FAM222A: variants seen among roughly 807,000 people sequenced by gnomAD.
The protein encoded by FAM222A is family with sequence similarity 222 member A.
Under a neutral mutation model 25.8 loss-of-function variants are expected in FAM222A, and 7 were observed. That is an observed-to-expected ratio of 0.27 (90% CI 0.15 to 0.51). The LOEUF (loss-of-function observed/expected upper bound fraction) is 0.51, where lower values mean the gene tolerates loss of function less well. FAM222A is among the 20% of genes least tolerant of loss of function. FAM222A has a pLI of 0.97. For synonymous variants in FAM222A, 294 were observed against 298.8 expected (o/e 0.98, Z 0.17); for missense variants, 573 against 640.5 (o/e 0.89, Z 1.14).
rs1279278221 is a variant in FAM222A, at chr12:109,714,914, GGGGTTC to G, written c.-47+18_-47+23del. On this transcript the variant is annotated intron_variant, in intron 1 of 2. Coordinates refer to ENST00000538780, the MANE Select transcript of FAM222A (RefSeq NM_032829.3). The surrounding 1 kb of genome is among the most constrained non-coding windows in gnomAD (Gnocchi z 4.2). ...GCTGATCCGGTGAGTTGTGCGGGGC[GGGGTTC>G]TGCGCTGGAGCTGGGGGCACCCCCT... is the stretch of plus-strand genomic sequence containing the variant. 1 of 153,094 alleles carries G rather than the reference GGGGTTC, an allele frequency of 6.5e-6. No homozygotes were observed. Among genetic ancestry groups the G allele is most frequent in the African/African-American group, 2.4e-5 (1 of 41,486 alleles). 9.5% of individuals were successfully genotyped at this position (153,094 alleles called of 1,614,324 possible).
intron 1 of FAM222A, among the ~76,000 whole-genome samples, chr12:109,723,418 C>G (rs886467885): frequency 2.6e-5 from 4 of 152,218 alleles, no homozygotes; most frequent in Admixed American, 2.0e-4. Flanking sequence ...GTTCTGGCAC[C>G]TCAGTCTTGA....
intron 2 of FAM222A, among the ~76,000 whole-genome samples, chr12:109,751,029 T>TG (rs1311303863): frequency 6.6e-6 from 1 of 152,178 alleles, no homozygotes; most frequent in Non-Finnish European, 1.5e-5. Flanking sequence ...GATCCGAGGC[T>TG]TGTATTTTAG....
chr12:109,756,604 G>A (rs1052699794), intron 2 of FAM222A, among the ~76,000 whole-genome samples: 1 of 152,096 alleles, frequency 6.6e-6, no homozygotes, highest in African/African-American at 2.4e-5. Flanking sequence ...TGTGTCTATT[G>A]GGATGAAGAT....
At position 109,768,423 on chromosome 12, in the gene FAM222A, C is replaced by T. The variant is rs200663276; in HGVS notation, c.494C>T (p.Ala165Val). 33 of 1,598,672 alleles carry T rather than the reference C, an allele frequency of 2.1e-5. No individual in the cohort carries two copies. Among genetic ancestry groups the T allele is most frequent in the South Asian group, 3.3e-5 (3 of 90,828 alleles). The change falls in exon 3 of 3, where the codon GCG (alanine) becomes GTG (valine). Residue 165 changes from alanine (A) to valine (V), a missense_variant. Around this residue, in one of 3 missense-constraint regions of FAM222A, gnomAD observed 412 missense variants for 407.0 expected, o/e 1.01. Transcript: ENST00000538780. Reference sequence around the variant, plus strand: ...TTGGCCTACCCCAAGCCACCTGAGGCGCCTGCTCCACCACCCGGCCTGCCC... The same window carrying T: ...TTGGCCTACCCCAAGCCACCTGAGGTGCCTGCTCCACCACCCGGCCTGCCC... The part of the protein sequence containing the change: ...GPLAYPKPPE[A>V]PAPPPGLPAA...
chr12:109,753,776 A>G (rs1592794097), intron 2 of FAM222A, among the ~76,000 whole-genome samples: 1 of 136,342 alleles, frequency 7.3e-6, no homozygotes, highest in South Asian at 2.4e-4. Context: ...ACCGCTGCCC[A>G]CCAGCATTCC....
intron 2 of FAM222A, among the ~76,000 whole-genome samples, chr12:109,761,744 G>T (rs997228868): frequency 6.6e-6 from 1 of 152,130 alleles, no homozygotes; most frequent in Non-Finnish European, 1.5e-5. Context: ...ACTCTGCCTG[G>T]AGCTGGCAGT....
At chr12:109,740,694 G>A (rs571284854) in intron 1 of FAM222A, among the ~76,000 whole-genome samples, 1 of 152,326 alleles carries the variant, frequency 6.6e-6, no homozygotes, top group Admixed American at 6.5e-5. Flanking sequence ...CCAATTCATT[G>A]ATTCGGCCAT....
rs1887591089 is a variant in FAM222A at position 109,714,201 on chromosome 12, T to C, written c.-743T>C. Reference sequence around the variant, plus strand: ...CTGCATCCGAGCTTGCGTCGCCCGCTGCCGCCGCCGCCGCCGCTGCCGCCG... The same window carrying C: ...CTGCATCCGAGCTTGCGTCGCCCGCCGCCGCCGCCGCCGCCGCTGCCGCCG... On this transcript the variant is annotated 5_prime_UTR_variant, in exon 1 of 3. Transcript: ENST00000538780. The surrounding 1 kb of genome is among the most constrained non-coding windows in gnomAD (Gnocchi z 4.2). 4.9e-6 allele frequency: 1 copy of C among 206,032 alleles called. No homozygotes were observed. The highest frequency in any genetic ancestry group is 9.7e-6 in the Non-Finnish European group (1 of 103,604). 12.8% of individuals were successfully genotyped at this position (206,032 alleles called of 1,614,324 possible).
chr12:109,732,881 G>C (rs1333581253), intron 1 of FAM222A, among the ~76,000 whole-genome samples: 2 of 152,254 alleles, frequency 1.3e-5, no homozygotes, highest in African/African-American at 2.4e-5. Context: ...AGTGCCTACT[G>C]TGTGCCCCAT....
intron 2 of FAM222A, among the ~76,000 whole-genome samples, chr12:109,763,176 G>C (rs1193666088): frequency 4.6e-5 from 7 of 152,238 alleles, no homozygotes; most frequent in African/African-American, 1.7e-4. Context: ...CTGCCTCAAG[G>C]TGGAAGTAGG....
Position 109,748,330 on chromosome 12 carries a change from C to CTTTTTTTTTTTTT in FAM222A, c.82+4105_82+4106insTTTTTTTTTTTTT, listed in dbSNP as rs1410740242. The stretch of plus-strand genomic sequence containing the variant: ...GTCAAAGAGATTGTTCTTTGGTTTT[C>CTTTTTTTTTTTTT]TTTCTTTTTTTTTTTTTTTTTTTTG... On this transcript the variant is annotated intron_variant, in intron 2 of 2. Transcript: ENST00000538780. Among the ~76,000 whole-genome samples the CTTTTTTTTTTTTT allele has an allele frequency of 1.2e-4, 5 of 40,442 alleles. 1 individual carries two copies. Among genetic ancestry groups the CTTTTTTTTTTTTT allele is most frequent in the African/African-American group, 1.7e-4 (2 of 11,724 alleles). 26.5% of individuals were successfully genotyped at this position (40,442 alleles called of 152,430 possible).
chr12:109,736,486 C>G (rs781128798), intron 1 of FAM222A, among the ~76,000 whole-genome samples: 3 of 152,168 alleles, frequency 2.0e-5, no homozygotes, highest in Admixed American at 2.0e-4. Context: ...GATGTGAAGT[C>G]GGGGACAGAC....
intron 2 of FAM222A, among the ~76,000 whole-genome samples, chr12:109,757,482 A>G (rs1392036348): frequency 6.6e-6 from 1 of 152,222 alleles, no homozygotes; most frequent in Non-Finnish European, 1.5e-5. Context: ...CACAGGGAAT[A>G]AGTGACAGAG....
intron 1 of FAM222A, among the ~76,000 whole-genome samples, chr12:109,719,226 A>G (rs1887704954): frequency 6.6e-6 from 1 of 152,208 alleles, no homozygotes; most frequent in South Asian, 2.1e-4. Context: ...ACCCTAAGAA[A>G]TGCACATGCT....
Position 109,713,846 on chromosome 12 carries a change from C to T in FAM222A, c.-1098C>T, listed in dbSNP as rs560586510. The stretch of plus-strand genomic sequence containing the variant: ...TGTCAGTCGGGCCAGAGCGGAGCAG[C>T]GGGCAGGACTGCCTGGCCGGCTGCT... On this transcript the variant is annotated 5_prime_UTR_variant, in exon 1 of 3. Transcript: ENST00000538780. Among the ~76,000 whole-genome samples the T allele has an allele frequency of 4.3e-4, 65 of 150,324 alleles. No homozygotes were observed. The highest frequency in any genetic ancestry group is 9.9e-4 in the East Asian group (5 of 5,062).
intron 2 of FAM222A, among the ~76,000 whole-genome samples, chr12:109,767,807 G>T (rs1186073651): frequency 6.6e-6 from 1 of 152,190 alleles, no homozygotes; most frequent in Non-Finnish European, 1.5e-5. Context: ...CCATAAAACA[G>T]GTGTGTTCCT....
chr12:109,726,261 TGG>T (rs1281736406), intron 1 of FAM222A, among the ~76,000 whole-genome samples: 2 of 152,140 alleles, frequency 1.3e-5, no homozygotes, highest in East Asian at 1.9e-4. Flanking sequence ...ATGCCAAGCA[TGG>T]GGCCTCAGTT....
In FAM222A at chr12:109,765,110, C is replaced by T. The variant is rs1889005851; in HGVS notation, c.83-2902C>T. Among the ~76,000 whole-genome samples, 3 of 152,224 alleles carry T rather than the reference C, an allele frequency of 2.0e-5. No homozygotes were observed. The South Asian group carries it at 6.2e-4, about 32-fold the overall frequency. On this transcript the variant is annotated intron_variant, in intron 2 of 2. Coordinates refer to ENST00000538780, the MANE Select transcript of FAM222A (RefSeq NM_032829.3). ...AAATAAGCCCACTGAAGCTCATTTG[C>T]CTAGGCTCATAGGCCTGCCCATGCC... is the stretch of plus-strand genomic sequence containing the variant.
chr12:109,764,807 G>A (rs1888997578), intron 2 of FAM222A, among the ~76,000 whole-genome samples: 1 of 152,180 alleles, frequency 6.6e-6, no homozygotes, highest in South Asian at 2.1e-4. Context: ...GACTCTCCGA[G>A]TGGCGCTAAG....
Sources: allele counts gnomAD v4.1 joint callset (sites outside exome capture counted in the v4.1 genomes callset), GRCh38; gene constraint gnomAD v4.1.1; regional missense constraint gnomAD v4.1.1; non-coding constraint Gnocchi (gnomAD v3.1); transcripts MANE v1.5; gene names NCBI Gene and HGNC (gene_info 2026-07-23, HGNC 2026-07-21).